The following NFATC3 variants were observed in gnomAD, a reference collection of about 807,000 sequenced individuals.
NFATC3 encodes the protein nuclear factor of activated T cells 3, also known as nuclear factor of activated T-cells, cytoplasmic 3.
Under a neutral mutation model 98.6 loss-of-function variants are expected in NFATC3, and 46 were observed. That is an observed-to-expected ratio of 0.47 (90% CI 0.37 to 0.60). The LOEUF is 0.60. Among genes scored for constraint, NFATC3 ranks in the 20% least tolerant of loss-of-function variants. NFATC3 has a pLI of 0.00. For synonymous variants in NFATC3, 512 were observed against 472.2 expected (o/e 1.08, Z -1.09); for missense variants, 1,256 against 1,295.5 (o/e 0.97, Z 0.47).
At chr16:68,220,051 G>GC (rs2041800578) in intron 9 of NFATC3, among the ~76,000 whole-genome samples, 1 of 152,188 alleles carries the variant, frequency 6.6e-6, no homozygotes, top group Non-Finnish European at 1.5e-5. Flanking sequence ...ATTATTGATA[G>GC]CTGTGACTCT....
rs577710781 is a variant in NFATC3 at position 68,178,493 on chromosome 16, T to C, written c.1916-2982T>C. ...ACTAGTCTAGGCATTGGGGACATAA[T>C]GTTGAATACAACCTTCAGGTTGTGT... On this transcript the variant is annotated intron_variant, in intron 6 of 9. Coordinates refer to ENST00000346183, the MANE Select transcript of NFATC3 (RefSeq NM_173165.3). Among the ~76,000 whole-genome samples the C allele has an allele frequency of 1.1e-4, 17 of 152,348 alleles. No individual in the cohort carries two copies. In the East Asian group the frequency reaches 3.1e-3, roughly 28 times the overall value.
At chr16:68,133,883 T>TA (rs1567514373) in intron 3 of NFATC3, among the ~76,000 whole-genome samples, 67 of 151,082 alleles carry the variant, frequency 4.4e-4, no homozygotes, top group Admixed American at 1.1e-3. Context: ...GCCCTTTTTT[T>TA]TAAAAAAAAA....
intron 9 of NFATC3, among the ~76,000 whole-genome samples, chr16:68,197,129 A>T (rs988785509): frequency 6.6e-6 from 1 of 152,048 alleles, no homozygotes; most frequent in Non-Finnish European, 1.5e-5. Flanking sequence ...TTTTTTGTAG[A>T]GATGAAATCT....
At chr16:68,221,569 A>G (rs2041865782) in intron 9 of NFATC3, 27 of 1,118,176 alleles carry the variant, frequency 2.4e-5, no homozygotes, top group Non-Finnish European at 3.0e-5. Context: ...CTAGGGATTC[A>G]GGGGAAAACA....
chr16:68,142,879 T>A (rs2037831201), intron 3 of NFATC3, among the ~76,000 whole-genome samples: 1 of 152,154 alleles, frequency 6.6e-6, no homozygotes, highest in Non-Finnish European at 1.5e-5. Flanking sequence ...AAATGCCCTT[T>A]ACTTCTTTCT....
rs183655199 is a variant in NFATC3 at position 68,191,061 on chromosome 16, G to A, written c.2392G>A (p.Val798Met). 6.2e-7 allele frequency: 1 copy of A among 1,614,220 alleles called. No individual in the cohort carries two copies. The highest frequency in any genetic ancestry group is 1.3e-5 in the African/African-American group (1 of 75,052). Residue 798 changes from valine (V) to methionine (M), a missense_variant, in exon 9 of 10, where the codon GTG (valine) becomes ATG (methionine). Physicochemically the swap from Val to Met is conservative, Grantham distance 21 (BLOSUM62 1). Transcript: ENST00000346183. ...TTTTCAAGTCACACCAACACCTCCT[G>A]TGGGGTCTTCCTATCAGCCTATGCA... is the stretch of plus-strand genomic sequence containing the variant. ...QPFQVTPTPPVGSSYQPMQTN... is the reference protein window; with the variant it reads ...QPFQVTPTPPMGSSYQPMQTN...
chr16:68,186,375 TA>T (rs1050132404), intron 8 of NFATC3, among the ~76,000 whole-genome samples: 3 of 151,902 alleles, frequency 2.0e-5, no homozygotes, highest in African/African-American at 7.3e-5. Context: ...CTGTCTCTAC[TA>T]AAAATACAAA....
At chr16:68,162,912 C>T (rs978531337) in intron 4 of NFATC3, among the ~76,000 whole-genome samples, 2 of 150,758 alleles carry the variant, frequency 1.3e-5, no homozygotes, top group Non-Finnish European at 2.9e-5. Context: ...TGTTTGTGTC[C>T]CTGGGTACTT....
chr16:68,200,654 C>T (rs1340856401), intron 9 of NFATC3: 1 of 152,116 alleles, frequency 6.6e-6, no homozygotes, highest in East Asian at 1.9e-4. Context: ...GTAATATAAA[C>T]TTACTCAAAC....
At chr16:68,218,037 A>G in intron 9 of NFATC3, 2 of 1,112,054 alleles carry the variant, frequency 1.8e-6, no homozygotes, top group Non-Finnish European at 2.2e-6. Flanking sequence ...GAAAAATCAA[A>G]TGAATATTTT....
intron 5 of NFATC3, among the ~76,000 whole-genome samples, chr16:68,171,392 TAG>T (rs991187814): frequency 6.6e-6 from 1 of 152,148 alleles, no homozygotes; most frequent in African/African-American, 2.4e-5. Flanking sequence ...TTTAGAACAG[TAG>T]AGACATGAGT....
intron 8 of NFATC3, among the ~76,000 whole-genome samples, chr16:68,184,164 A>G (rs892971851): frequency 1.3e-5 from 2 of 152,160 alleles, no homozygotes; most frequent in South Asian, 2.1e-4. Flanking sequence ...TGAGATTTAC[A>G]TGAGATAAGT....
At chr16:68,117,859 G>A (rs1228982042) in intron 1 of NFATC3, among the ~76,000 whole-genome samples, 1 of 152,160 alleles carries the variant, frequency 6.6e-6, no homozygotes, top group Non-Finnish European at 1.5e-5. Flanking sequence ...CCTAATAAAT[G>A]TCAGGGACTT....
intron 3 of NFATC3, among the ~76,000 whole-genome samples, chr16:68,154,459 T>C (rs1159156913): frequency 2.0e-5 from 3 of 152,234 alleles, no homozygotes; most frequent in Non-Finnish European, 4.4e-5. Flanking sequence ...TTAACTTGTT[T>C]CCATGATTTC....
At chr16:68,118,247 G>A (rs920695715) in intron 1 of NFATC3, among the ~76,000 whole-genome samples, 2 of 152,092 alleles carry the variant, frequency 1.3e-5, no homozygotes, top group Non-Finnish European at 2.9e-5. Flanking sequence ...TGTAATCTCT[G>A]TAAAACAAGT....
chr16:68,189,764 A>G (rs1198374756), intron 8 of NFATC3, among the ~76,000 whole-genome samples: 1 of 152,098 alleles, frequency 6.6e-6, no homozygotes, highest in Non-Finnish European at 1.5e-5. Flanking sequence ...TTTTGATGTT[A>G]TTATAAATGA....
At chr16:68,097,033 T>G (rs1213293298) in intron 1 of NFATC3, among the ~76,000 whole-genome samples, 1 of 152,070 alleles carries the variant, frequency 6.6e-6, no homozygotes, top group Non-Finnish European at 1.5e-5. Flanking sequence ...GGTAGAGCAG[T>G]GAAGACGACA....
At chr16:68,085,822 G>A (rs547343367) in intron 1 of NFATC3, 38 bp downstream of exon 1, 3 of 1,362,866 alleles carry the variant, frequency 2.2e-6, no homozygotes, top group East Asian at 6.1e-5. Flanking sequence ...GAGCGACCCC[G>A]CTTCTCGCTC....
chr16:68,206,736 A>T (rs888794916), intron 9 of NFATC3, among the ~76,000 whole-genome samples: 13 of 152,196 alleles, frequency 8.5e-5, no homozygotes, highest in African/African-American at 3.1e-4. Flanking sequence ...TAATCCCAGC[A>T]CATTGGGAAG....
Sources: allele counts gnomAD v4.1 joint callset (sites outside exome capture counted in the v4.1 genomes callset), GRCh38; gene constraint gnomAD v4.1.1; transcripts MANE v1.5; gene names NCBI Gene and HGNC (gene_info 2026-07-23, HGNC 2026-07-21).